The following GNL3L variants were observed in gnomAD, a reference collection of about 807,000 sequenced individuals.
The protein encoded by GNL3L is guanine nucleotide-binding protein-like 3-like protein.
A neutral mutation model predicts 42.9 loss-of-function variants in GNL3L; 4 were observed. The ratio of observed to expected loss-of-function variants is 0.09; its 90% confidence interval spans 0.05 to 0.21. The LOEUF (loss-of-function observed/expected upper bound fraction) is 0.21. Ranked by LOEUF, GNL3L falls within the 10% of genes least tolerant of loss-of-function variation. GNL3L has a pLI of 1.00. For synonymous variants in GNL3L, 159 were observed against 176.3 expected (o/e 0.90, Z 0.78); for missense variants, 412 against 481.7 (o/e 0.86, Z 1.36).
At chrX:54,638,394 TATC>T in the GNL3L span, among the ~76,000 whole-genome samples, 6 of 112,137 alleles carry the variant, frequency 5.4e-5, no homozygotes, top group African/African-American at 1.9e-4. Context: ...AAACATTAAG[TATC>T]ATCATCACCA....
At position 54,548,251 on chromosome X, in the gene GNL3L, A is replaced by G. The variant is rs961275769; in HGVS notation, c.653A>G (p.Asp218Gly). ...CAGAATCGTTGCAGTGTGCCAGTAGATCAGGCCTCTGAGTCACTGCTGAAA... is the reference window on the plus strand; with the variant it reads ...CAGAATCGTTGCAGTGTGCCAGTAGGTCAGGCCTCTGAGTCACTGCTGAAA... ...KNLNRCSVPV[D>G]QASESLLKSK... The change falls in exon 9 of 16, where the codon GAT becomes GGT. Residue 218 changes from aspartate (D) to glycine (G), a missense_variant. Physicochemically the swap from Asp to Gly is moderately conservative, Grantham distance 94. Coordinates refer to ENST00000360845, the MANE Select transcript of GNL3L (RefSeq NM_001184819.2). The G allele has an allele frequency of 8.3e-7, 1 of 1,205,398 alleles. No homozygotes were observed. Among genetic ancestry groups the G allele is most frequent in the Non-Finnish European group, 1.1e-6 (1 of 889,965 alleles).
chrX:54,584,508 T>C (rs1458215127), intron 16 of GNL3L, among the ~76,000 whole-genome samples: 1 of 112,076 alleles, frequency 8.9e-6, no homozygotes, highest in African/African-American at 3.2e-5. Context: ...TATGATCTTA[T>C]GAGATTGCCA....
chrX:54,551,466 C>T (rs774319552), intron 10 of GNL3L, 102 bp from the exon 11 acceptor site: 3 of 662,181 alleles, frequency 4.5e-6, no homozygotes, highest in Non-Finnish European at 7.1e-6. Context: ...CTCTAATGCA[C>T]CCTCCCCTCA....
chrX:54,604,376 G>A (rs991787255), intron 16 of GNL3L, among the ~76,000 whole-genome samples: 9 of 111,889 alleles, frequency 8.0e-5, no homozygotes, highest in Non-Finnish European at 1.5e-4. Context: ...CAGAGGAAGA[G>A]CATAAGAGAG....
intron 14 of GNL3L, among the ~76,000 whole-genome samples, chrX:54,555,661 T>TG (rs1411112673): frequency 1.1e-5 from 1 of 93,638 alleles, no homozygotes; most frequent in Non-Finnish European, 2.1e-5. Flanking sequence ...TTTTTTTTTT[T>TG]GTAGAGATGG....
intron 16 of GNL3L, among the ~76,000 whole-genome samples, chrX:54,573,120 C>T (rs1420804448): frequency 9.0e-6 from 1 of 111,233 alleles, no homozygotes; most frequent in Non-Finnish European, 1.9e-5. Context: ...CAGGCAGAGA[C>T]GCTCCTCACT....
At chrX:54,622,273 A>ATTTTTTT (rs773487259), downstream of GNL3L, among the ~76,000 whole-genome samples, 2 of 59,016 alleles carry the variant, frequency 3.4e-5, no homozygotes, top group African/African-American at 2.1e-4. Context: ...AGTTGCAGGA[A>ATTTTTTT]TTTTTTTTTT....
intron 16 of GNL3L, among the ~76,000 whole-genome samples, chrX:54,614,145 A>T: frequency 9.1e-6 from 1 of 109,809 alleles, no homozygotes; most frequent in East Asian, 2.9e-4. Flanking sequence ...ACTGGAGTTG[A>T]TTACCTAGGA....
At chrX:54,627,153 T>C in the GNL3L span, among the ~76,000 whole-genome samples, 2 of 110,457 alleles carry the variant, frequency 1.8e-5, no homozygotes, top group African/African-American at 6.6e-5. Flanking sequence ...GGACTACAGA[T>C]GTGCGCCACG....
intron 16 of GNL3L, among the ~76,000 whole-genome samples, chrX:54,616,030 TC>T (rs1378063005): frequency 1.8e-5 from 2 of 113,265 alleles, no homozygotes; most frequent in East Asian, 5.5e-4. Context: ...TAATCAACTC[TC>T]CTGTGATTTT....
At chrX:54,552,959 T>C (rs1924990748) in intron 13 of GNL3L, among the ~76,000 whole-genome samples, 1 of 112,138 alleles carries the variant, frequency 8.9e-6, no homozygotes, top group Non-Finnish European at 1.9e-5. Context: ...TCCAAAAGTA[T>C]AGACTGCCTG....
chrX:54,606,557 C>T (rs1161107606), intron 16 of GNL3L, among the ~76,000 whole-genome samples: 1 of 110,410 alleles, frequency 9.1e-6, no homozygotes, highest in Non-Finnish European at 1.9e-5. Flanking sequence ...CTCACTGTAA[C>T]CTCAAACCCC....
intron 16 of GNL3L, among the ~76,000 whole-genome samples, chrX:54,606,101 A>C (rs1926057424): frequency 8.9e-6 from 1 of 112,085 alleles, no homozygotes; most frequent in Non-Finnish European, 1.9e-5. Context: ...GATAACCTGA[A>C]TGACCTTTCT....
intron 16 of GNL3L, among the ~76,000 whole-genome samples, chrX:54,578,635 A>G (rs143549125): frequency 4.6e-4 from 52 of 112,541 alleles, no homozygotes; most frequent in African/African-American, 1.6e-3. Context: ...TGTTGCATGT[A>G]TCATAGTCTT....
chrX:54,543,435 T>A, intron 7 of GNL3L, 93 bp downstream of exon 7: 1 of 902,967 alleles, frequency 1.1e-6, no homozygotes, highest in Non-Finnish European at 1.6e-6. Context: ...AGCAACTCAG[T>A]GATACTCATA....
intron 8 of GNL3L, among the ~76,000 whole-genome samples, chrX:54,545,205 C>A (rs1320617341): frequency 9.0e-6 from 1 of 110,653 alleles, no homozygotes; most frequent in Non-Finnish European, 1.9e-5. Context: ...CGTGAGCCAC[C>A]ACTCCCGGTC....
chrX:54,617,596 G>A (rs188947049), intron 16 of GNL3L, among the ~76,000 whole-genome samples: 42 of 111,858 alleles, frequency 3.8e-4, no homozygotes, highest in African/African-American at 1.3e-3. Context: ...CTCCCTTCCC[G>A]CAAATTCATA....
At chrX:54,595,983 C>T (rs189483248) in intron 16 of GNL3L, among the ~76,000 whole-genome samples, 36 of 112,146 alleles carry the variant, frequency 3.2e-4, no homozygotes, top group Non-Finnish European at 5.6e-4. Context: ...GTTTTGGATT[C>T]TCTGTCCGAG....
chrX:54,532,457 A>T, intron 1 of GNL3L, 63 bp from the exon 2 acceptor site: 1 of 626,764 alleles, frequency 1.6e-6, no homozygotes, highest in Non-Finnish European at 2.7e-6. Flanking sequence ...GGGACTTAGG[A>T]GGGGGCTTGT....
Sources: gnomAD v4.1 joint callset for allele counts (sites outside exome capture counted in the v4.1 genomes callset) on GRCh38, gnomAD v4.1.1 for gene constraint, MANE v1.5 for transcripts, NCBI Gene and HGNC (gene_info 2026-07-23, HGNC 2026-07-21) for gene names.